SPAG16: variants seen among roughly 807,000 people sequenced by gnomAD.
The protein encoded by SPAG16 is sperm-associated antigen 16 protein.
Under a neutral mutation model 80.4 loss-of-function variants are expected in SPAG16, and 86 were observed. The ratio of observed to expected loss-of-function variants is 1.07; its 90% CI spans 0.90 to 1.28. The LOEUF (loss-of-function observed/expected upper bound fraction) is 1.28. Ranked by LOEUF, SPAG16 falls within the 50% of genes most tolerant of loss-of-function variation. SPAG16 has a pLI of 0.00. For synonymous variants in SPAG16, 294 were observed against 265.9 expected (o/e 1.11, Z -1.03); for missense variants, 870 against 765.3 (o/e 1.14, Z -1.61).
chr2:213,475,313 T>C (rs1356242703), intron 9 of SPAG16, among the ~76,000 whole-genome samples: 2 of 152,156 alleles, frequency 1.3e-5, no homozygotes, highest in East Asian at 1.9e-4. Flanking sequence ...GCATTTTCTA[T>C]AGGGGCATGA....
At chr2:214,370,093 A>G (rs867338351) in intron 15 of SPAG16, among the ~76,000 whole-genome samples, 33 of 152,160 alleles carry the variant, frequency 2.2e-4, no homozygotes, top group Middle Eastern at 3.4e-3. Context: ...TCTTTTAACT[A>G]TCTTCCCATG....
intron 10 of SPAG16, among the ~76,000 whole-genome samples, chr2:213,639,828 A>G (rs1275370234): frequency 6.6e-6 from 1 of 152,208 alleles, no homozygotes; most frequent in Admixed American, 6.5e-5. Flanking sequence ...TATTCCCTCA[A>G]ATAAGTTTTC....
chr2:213,774,748 A>G (rs1367880883), intron 10 of SPAG16, among the ~76,000 whole-genome samples: 2 of 152,170 alleles, frequency 1.3e-5, no homozygotes, highest in Admixed American at 1.3e-4. Flanking sequence ...TAGATAGGAG[A>G]TGGCTCAATT....
At chr2:214,080,336 C>T (rs1315321299) in intron 13 of SPAG16, among the ~76,000 whole-genome samples, 1 of 151,850 alleles carries the variant, frequency 6.6e-6, no homozygotes, top group Non-Finnish European at 1.5e-5. Context: ...CGGTGGCTCA[C>T]GCCTGTAATC....
chr2:213,627,385 A>T lies in SPAG16; in HGVS notation c.1070+137295A>T, dbSNP rs183561001. Among the ~76,000 whole-genome samples, 14 of 152,372 alleles carry T rather than the reference A, an allele frequency of 9.2e-5. No homozygotes were observed. The South Asian group carries it at 2.1e-3, about 23-fold the overall frequency. ...CAAATACTGATTATTATTAAACTACAGTGTAACACATACTTTCTTCTTGGC... is the reference window on the plus strand; with the variant it reads ...CAAATACTGATTATTATTAAACTACTGTGTAACACATACTTTCTTCTTGGC... On this transcript the variant is annotated intron_variant, in intron 10 of 15. Coordinates refer to ENST00000331683, the MANE Select transcript of SPAG16 (RefSeq NM_024532.5).
chr2:214,243,942 G>A (rs1026541141), intron 15 of SPAG16, among the ~76,000 whole-genome samples: 6 of 152,034 alleles, frequency 3.9e-5, no homozygotes, highest in East Asian at 3.9e-4. Flanking sequence ...ACACATATAC[G>A]ACAGAAAGAC....
At chr2:213,710,835 C>T (rs1043581246) in intron 10 of SPAG16, among the ~76,000 whole-genome samples, 8 of 152,158 alleles carry the variant, frequency 5.3e-5, no homozygotes, top group Non-Finnish European at 1.2e-4. Flanking sequence ...TTTCTCCCAT[C>T]CTGATATAAT....
At chr2:213,728,819 G>A (rs2066893437) in intron 10 of SPAG16, among the ~76,000 whole-genome samples, 1 of 143,756 alleles carries the variant, frequency 7.0e-6, no homozygotes, top group Admixed American at 7.4e-5. Flanking sequence ...AGAGCTTGCG[G>A]TGAGCTGAGA....
intron 15 of SPAG16, among the ~76,000 whole-genome samples, chr2:214,173,956 C>T (rs966819825): frequency 1.3e-5 from 2 of 151,776 alleles, no homozygotes; most frequent in African/African-American, 4.8e-5. Flanking sequence ...AGCATATAAA[C>T]AGAACCAAAG....
At chr2:213,737,236 G>A (rs962368430) in intron 10 of SPAG16, among the ~76,000 whole-genome samples, 2 of 151,428 alleles carry the variant, frequency 1.3e-5, no homozygotes, top group African/African-American at 4.9e-5. Context: ...TCAGCAAAAA[G>A]GGGAATCTAC....
intron 11 of SPAG16, among the ~76,000 whole-genome samples, chr2:213,877,976 T>C (rs2076202079): frequency 6.6e-6 from 1 of 152,146 alleles, no homozygotes; most frequent in Non-Finnish European, 1.5e-5. Flanking sequence ...CCTCCATAGA[T>C]TGACCTAGAT....
intron 10 of SPAG16, among the ~76,000 whole-genome samples, chr2:213,590,780 C>T (rs557152487): frequency 1.3e-4 from 20 of 152,018 alleles, no homozygotes; most frequent in Non-Finnish European, 2.2e-4. Flanking sequence ...ACTGTTCAAC[C>T]CAGTAATCCT....
chr2:214,328,175 A>AGAT (rs1288478740), intron 15 of SPAG16, among the ~76,000 whole-genome samples: 1 of 144,142 alleles, frequency 6.9e-6, no homozygotes, highest in Non-Finnish European at 1.5e-5. Context: ...TCCTTTTTTG[A>AGAT]GATGGAGTCT....
intron 11 of SPAG16, among the ~76,000 whole-genome samples, chr2:213,881,748 C>T (rs1575445136): frequency 1.3e-5 from 2 of 152,330 alleles, no homozygotes; most frequent in Admixed American, 1.3e-4. Context: ...TCCACCTGAT[C>T]TCTTCCTTGA....
rs192516895 is a variant in SPAG16 at position 214,023,667 on chromosome 2, T to C, written c.1527+9590T>C. On this transcript the variant is annotated intron_variant, in intron 13 of 15. Coordinates refer to ENST00000331683, the MANE Select transcript of SPAG16 (RefSeq NM_024532.5). ...TCTTAAATAGTAGATCAATTTAATA[T>C]GCTATAAGGCTTTCAAAGATTGTTA... 6.3e-3 allele frequency among the ~76,000 whole-genome samples: 962 copies of C among 151,958 alleles called. 49 individuals carry two copies. Among genetic ancestry groups the C allele is most frequent in the Admixed American group, 0.061 (928 of 15,224 alleles).
intron 9 of SPAG16, among the ~76,000 whole-genome samples, chr2:213,389,439 G>A (rs115665464): frequency 0.015 from 2,255 of 152,110 alleles, 29 homozygotes; most frequent in South Asian, 0.038. Context: ...TTGGGGCATC[G>A]AAAGACTGTC....
At chr2:213,716,662 C>A (rs1329906759) in intron 10 of SPAG16, among the ~76,000 whole-genome samples, 1 of 152,168 alleles carries the variant, frequency 6.6e-6, no homozygotes, top group East Asian at 1.9e-4. Flanking sequence ...TTTAACCTAT[C>A]ATTTCTAACT....
rs904722173 is a variant in SPAG16 at position 213,754,078 on chromosome 2, G to A, written c.1071-108407G>A. On this transcript the variant is annotated intron_variant, in intron 10 of 15. Transcript: ENST00000331683. Reference sequence around the variant, plus strand: ...TCTATTATAACTCTCTGGAATCCTGGTCAAAAACTAAGATAATTAGGCCTG... The same window carrying A: ...TCTATTATAACTCTCTGGAATCCTGATCAAAAACTAAGATAATTAGGCCTG... 1.5e-4 allele frequency among the ~76,000 whole-genome samples: 23 copies of A among 152,166 alleles called. No individual in the cohort carries two copies. The South Asian group carries it at 4.2e-3, about 28-fold the overall frequency.
chr2:213,631,898 A>G (rs1322968970), intron 10 of SPAG16, among the ~76,000 whole-genome samples: 4 of 152,066 alleles, frequency 2.6e-5, no homozygotes, highest in East Asian at 1.9e-4. Context: ...CTGTAGTATC[A>G]TTTGATGACA....
Sources: allele counts gnomAD v4.1 joint callset (sites outside exome capture counted in the v4.1 genomes callset), GRCh38; gene constraint gnomAD v4.1.1; transcripts MANE v1.5; gene names NCBI Gene and HGNC (gene_info 2026-07-23, HGNC 2026-07-21).